Variants in JCAD observed in about 807,000 individuals in gnomAD.
The protein encoded by JCAD is junctional cadherin 5-associated protein.
JCAD carries 40 observed loss-of-function variants against 98.0 expected under a neutral mutation model. The observed-to-expected ratio is 0.41, with a 90% CI of 0.32 to 0.53. The LOEUF (loss-of-function observed/expected upper bound fraction) is 0.53, where lower values mean the gene tolerates loss of function less well. JCAD is among the 20% of genes least tolerant of loss of function. JCAD has a pLI of 0.31. For missense variants in JCAD, 1,705 were observed against 1,738.1 expected (o/e 0.98, Z 0.34); for synonymous variants, 691 against 682.3 (o/e 1.01, Z -0.20).
intron 3 of JCAD, among the ~76,000 whole-genome samples, chr10:30,021,313 C>G (rs1443121697): frequency 6.6e-6 from 1 of 152,222 alleles, no homozygotes; most frequent in South Asian, 2.1e-4. Context: ...ATCCTCCTCC[C>G]TCAGCCTCCC....
chr10:30,063,601 G>T (rs141065829), upstream of JCAD, among the ~76,000 whole-genome samples: 14 of 151,746 alleles, frequency 9.2e-5, no homozygotes, highest in African/African-American at 3.4e-4. Context: ...AAAGATTAAC[G>T]CTCTTTTAAA....
chr10:30,075,532 T>C (rs946269092), intron 1 of JCAD, among the ~76,000 whole-genome samples: 5 of 152,188 alleles, frequency 3.3e-5, no homozygotes, highest in Admixed American at 1.3e-4. Context: ...AAAAAGCTAG[T>C]GTACCCAAGG....
chr10:30,114,620 GT>G (rs1305575271), intron 1 of JCAD, among the ~76,000 whole-genome samples: 1 of 148,224 alleles, frequency 6.7e-6, no homozygotes, highest in Non-Finnish European at 1.5e-5. Context: ...GTGGTGGCAG[GT>G]TTTTCAGAAA....
At chr10:30,102,968 C>T (rs1424302781) in intron 1 of JCAD, among the ~76,000 whole-genome samples, 1 of 152,060 alleles carries the variant, frequency 6.6e-6, no homozygotes, top group African/African-American at 2.4e-5. Context: ...TGGAAAAGAC[C>T]CACCCCCATG....
intron 1 of JCAD, among the ~76,000 whole-genome samples, chr10:30,072,565 A>T (rs918163203): frequency 6.6e-6 from 1 of 152,228 alleles, no homozygotes; most frequent in Non-Finnish European, 1.5e-5. Context: ...ATAAATCAGT[A>T]AATTTATGGA....
At chr10:30,044,677 C>CTT (rs4017854) in intron 2 of JCAD, 50,741 of 187,128 alleles carry the variant, frequency 0.27, 6,475 homozygotes, top group Non-Finnish European at 0.3. Flanking sequence ...GCAGTATTGG[C>CTT]TTTTTTTTTT....
At chr10:30,114,600 A>C (rs1050233759) in intron 1 of JCAD, among the ~76,000 whole-genome samples, 1 of 128,864 alleles carries the variant, frequency 7.8e-6, no homozygotes, top group Non-Finnish European at 1.7e-5. Context: ...AAAAAAAAAA[A>C]CCAGGAGGTG....
At chr10:30,113,685 C>T (rs760478571) in intron 1 of JCAD, among the ~76,000 whole-genome samples, 106 of 152,068 alleles carry the variant, frequency 7.0e-4, no homozygotes, top group Non-Finnish European at 1.1e-3. Context: ...GGCCCACCTC[C>T]CTCCACCTCT....
rs1836494752 is a variant in JCAD at position 30,014,523 on chromosome 10, A to T, written c.*3360T>A. Reference sequence around the variant, plus strand: ...TTAATCATTTAAAACAAACAATAATAAAAAACTCAGCCAGAACACGCAAAC... The same window carrying T: ...TTAATCATTTAAAACAAACAATAATTAAAAACTCAGCCAGAACACGCAAAC... On this transcript the variant is annotated 3_prime_UTR_variant, in exon 4 of 4. Coordinates refer to ENST00000375377, the MANE Select transcript of JCAD (RefSeq NM_020848.4). 1 of 152,232 alleles carries T rather than the reference A, an allele frequency of 6.6e-6. No homozygotes were observed. Among genetic ancestry groups the T allele is most frequent in the East Asian group, 1.9e-4 (1 of 5,206 alleles). The allele number at this position is 152,232 out of a possible 1,614,324, so 9.4% of individuals were successfully genotyped here.
Position 30,026,663 on chromosome 10 carries a change from T to A in JCAD, c.3485A>T (p.Asp1162Val), listed in dbSNP as rs761164834. The A allele has an allele frequency of 2.5e-6, 4 of 1,613,072 alleles. No homozygotes were observed. Among genetic ancestry groups the A allele is most frequent in the African/African-American group, 2.7e-5 (2 of 74,872 alleles). The change falls in exon 3 of 4, where the codon GAC becomes GTC. Residue 1162 changes from aspartate to valine, a missense_variant. This residue lies in a region of JCAD where 1,278 missense variants were observed against 1,243.1 expected (regional missense o/e 1.03). Coordinates refer to ENST00000375377, the MANE Select transcript of JCAD (RefSeq NM_020848.4). ...AGGAGCCCGCCTGGCACTGTCCCTG[T>A]CCCCTACAAAGAGAGGGCTCTTGGT... ...GWTKSPLFVG[D>V]RDSARRAPQA...
intron 2 of JCAD, among the ~76,000 whole-genome samples, chr10:30,040,132 G>A (rs951594022): frequency 6.6e-6 from 1 of 152,232 alleles, no homozygotes; most frequent in South Asian, 2.1e-4. Context: ...ATTTCAGATC[G>A]GCATTGTCTT....
chr10:30,084,194 G>T (rs1345532724), intron 1 of JCAD, among the ~76,000 whole-genome samples: 2 of 149,750 alleles, frequency 1.3e-5, no homozygotes, highest in Admixed American at 6.7e-5. Context: ...GGGAGGGAGG[G>T]AGAGAAGGAA....
Position 30,015,272 on chromosome 10 carries a change from T to C in JCAD, c.*2611A>G, listed in dbSNP as rs1456944940. 1 of 152,076 alleles carries C rather than the reference T, an allele frequency of 6.6e-6. No homozygotes were observed. The highest frequency in any genetic ancestry group is 1.5e-5 in the Non-Finnish European group (1 of 67,998). The allele number at this position is 152,076 out of a possible 1,614,324, so 9.4% of individuals were successfully genotyped here. On this transcript the variant is annotated 3_prime_UTR_variant, in exon 4 of 4. Coordinates refer to ENST00000375377, the MANE Select transcript of JCAD (RefSeq NM_020848.4). Reference sequence around the variant, plus strand: ...GAGAAGAACAAAGACAAATACAAAATATAGAAACTTTTTCTTCCAGCCACA... The same window carrying C: ...GAGAAGAACAAAGACAAATACAAAACATAGAAACTTTTTCTTCCAGCCACA...
At chr10:30,085,431 G>C (rs1482162755) in intron 1 of JCAD, among the ~76,000 whole-genome samples, 1 of 152,138 alleles carries the variant, frequency 6.6e-6, no homozygotes, top group Non-Finnish European at 1.5e-5. Context: ...ATTTGTCATT[G>C]AGCTAGAGAG....
At position 30,014,846 on chromosome 10, in the gene JCAD, G is replaced by T. The variant is rs1006183439; in HGVS notation, c.*3037C>A. ...TAGAATTTCCACGTGAATGAAACCCGCAACCTACAACTCTGCTAAGGAAAC... is the reference window on the plus strand; with the variant it reads ...TAGAATTTCCACGTGAATGAAACCCTCAACCTACAACTCTGCTAAGGAAAC... On this transcript the variant is annotated 3_prime_UTR_variant, in exon 4 of 4. Transcript: ENST00000375377. The T allele has an allele frequency of 6.6e-6, 1 of 152,244 alleles. No individual in the cohort carries two copies. Among genetic ancestry groups the T allele is most frequent in the East Asian group, 1.9e-4 (1 of 5,186 alleles). The allele number at this position is 152,244 out of a possible 1,614,324, so 9.4% of individuals were successfully genotyped here. A position where few individuals can be genotyped will look rare whatever the true frequency, so the allele number is the denominator to read the frequency against.
intron 1 of JCAD, among the ~76,000 whole-genome samples, chr10:30,050,834 C>T (rs1179430999): frequency 1.3e-5 from 2 of 152,218 alleles, no homozygotes; most frequent in African/African-American, 4.8e-5. Flanking sequence ...GATTGCAGCA[C>T]ACATGAAATC....
intron 1 of JCAD, among the ~76,000 whole-genome samples, chr10:30,081,907 C>T (rs1449604086): frequency 6.6e-6 from 1 of 152,194 alleles, no homozygotes; most frequent in African/African-American, 2.4e-5. Flanking sequence ...AGTATTATAA[C>T]CTCCAGTATG....
At chr10:30,064,222 G>A (rs1379633261), upstream of JCAD, among the ~76,000 whole-genome samples, 4 of 151,682 alleles carry the variant, frequency 2.6e-5, no homozygotes, top group Non-Finnish European at 2.9e-5. Context: ...TTATCATGGC[G>A]GGGAACTGGT....
intron 1 of JCAD, among the ~76,000 whole-genome samples, chr10:30,099,481 A>T (rs1003473330): frequency 6.6e-6 from 1 of 152,094 alleles, no homozygotes; most frequent in Non-Finnish European, 1.5e-5. Context: ...TCTCCTCTTT[A>T]GTAAGTGTTT....
Sources: allele counts gnomAD v4.1 joint callset (sites outside exome capture counted in the v4.1 genomes callset), GRCh38; gene constraint gnomAD v4.1.1; regional missense constraint gnomAD v4.1.1; transcripts MANE v1.5; gene names NCBI Gene and HGNC (gene_info 2026-07-23, HGNC 2026-07-21).